The following ANKRD30A variants were observed in gnomAD, a reference collection of about 807,000 sequenced individuals.
The protein encoded by ANKRD30A is ankyrin repeat domain 30A.
ANKRD30A carries 170 observed loss-of-function variants against 166.3 expected under a neutral mutation model. That is an observed-to-expected ratio of 1.02 (90% CI 0.90 to 1.16). The LOEUF (loss-of-function observed/expected upper bound fraction) is 1.16. Among genes scored for constraint, ANKRD30A ranks in the 50% most tolerant of loss-of-function variants. The probability of loss-of-function intolerance (pLI) is 0.00; values close to 1 mark genes in which losing one functional copy is unlikely to be tolerated. For synonymous variants in ANKRD30A, 564 were observed against 508.9 expected (o/e 1.11, Z -1.46); for missense variants, 1,630 against 1,518.0 (o/e 1.07, Z -1.23).
chr10:37,197,918 G>A (rs1407153819), intron 29 of ANKRD30A, among the ~76,000 whole-genome samples: 1 of 151,980 alleles, frequency 6.6e-6, no homozygotes, highest in African/African-American at 2.4e-5. Context: ...AGAATCCTAA[G>A]AAAATCAGTA....
intron 24 of ANKRD30A, chr10:37,178,408 T>A (rs1486991519): frequency 1.7e-6 from 1 of 579,860 alleles, no homozygotes; most frequent in African/African-American, 2.0e-5. Flanking sequence ...CTGAAAACCT[T>A]GTTAACAATT....
chr10:37,133,003 GAAA>G (rs369817643), intron 4 of ANKRD30A, among the ~76,000 whole-genome samples: 1 of 138,710 alleles, frequency 7.2e-6, no homozygotes, highest in African/African-American at 2.7e-5. Flanking sequence ...CTGTCTCAAA[GAAA>G]AAAAAAAAGA....
chr10:37,251,550 C>A, the ANKRD30A span, among the ~76,000 whole-genome samples: 24 of 152,110 alleles, frequency 1.6e-4, no homozygotes, highest in Admixed American at 6.6e-5. Flanking sequence ...TGACCAGGTA[C>A]TAAAGTTGCT....
chr10:37,161,541 T>A lies in ANKRD30A; in HGVS notation c.1901-1108T>A, dbSNP rs540261071. ...AACAAGAAAGAATGTAGGCAGGTAA[T>A]TCTGGAGACTCTGAGAAGAACAGTT... is the stretch of plus-strand genomic sequence containing the variant. On this transcript the variant is annotated intron_variant, in intron 15 of 35. Coordinates refer to ENST00000361713, the MANE Select transcript of ANKRD30A (RefSeq NM_052997.3). Among the ~76,000 whole-genome samples the A allele has an allele frequency of 2.6e-5, 4 of 152,262 alleles. 1 individual carries two copies. In the East Asian group the frequency reaches 7.7e-4, roughly 29 times the overall value.
chr10:37,191,468 G>A (rs1323932063), intron 25 of ANKRD30A, among the ~76,000 whole-genome samples: 1 of 151,788 alleles, frequency 6.6e-6, no homozygotes, highest in Non-Finnish European at 1.5e-5. Flanking sequence ...TTATTATAAT[G>A]TGTTGCCTTA....
intron 9 of ANKRD30A, among the ~76,000 whole-genome samples, chr10:37,148,191 G>A (rs1837648519): frequency 6.6e-6 from 1 of 152,084 alleles, no homozygotes. Context: ...GGTACTTGGA[G>A]CTCATTCTGA....
intron 2 of ANKRD30A, 26 bp downstream of exon 2, chr10:37,130,033 A>C (rs1564461958): frequency 6.9e-7 from 1 of 1,447,398 alleles, no homozygotes; most frequent in Non-Finnish European, 9.2e-7. Context: ...ATTTTTCAGC[A>C]GGAGATGGAT....
chr10:37,149,348 C>T (rs370222883), intron 9 of ANKRD30A, among the ~76,000 whole-genome samples: 17 of 151,916 alleles, frequency 1.1e-4, no homozygotes, highest in African/African-American at 3.6e-4. Context: ...TCATTAAGTA[C>T]GTGGTGTAGC....
intron 1 of ANKRD30A, among the ~76,000 whole-genome samples, chr10:37,129,406 C>T (rs952621276): frequency 1.3e-5 from 2 of 152,116 alleles, no homozygotes; most frequent in African/African-American, 4.8e-5. Flanking sequence ...ACAATGTAGT[C>T]ATAATTGTAC....
chr10:37,248,547 C>T, the ANKRD30A span, among the ~76,000 whole-genome samples: 1 of 152,144 alleles, frequency 6.6e-6, no homozygotes, highest in Non-Finnish European at 1.5e-5. Flanking sequence ...TCAAGATCCG[C>T]TGTGGAAGAC....
intron 15 of ANKRD30A, among the ~76,000 whole-genome samples, chr10:37,161,690 T>A (rs1472305812): frequency 1.3e-5 from 2 of 152,088 alleles, no homozygotes; most frequent in Non-Finnish European, 1.5e-5. Context: ...ACTCATTAGG[T>A]TTCTCTGTTA....
chr10:37,254,831 C>T, the ANKRD30A span, among the ~76,000 whole-genome samples: 4 of 151,838 alleles, frequency 2.6e-5, no homozygotes, highest in Admixed American at 2.6e-4. Context: ...TACAGGTGCC[C>T]GCCACCACAC....
chr10:37,193,235 T>A lies in ANKRD30A; in HGVS notation c.2591T>A (p.Met864Lys), dbSNP rs761047771. 1.1e-5 allele frequency: 18 copies of A among 1,611,658 alleles called. No individual in the cohort carries two copies. Among genetic ancestry groups the A allele is most frequent in the Middle Eastern group, 1.7e-4 (1 of 6,040 alleles). The change falls in exon 27 of 36, where the codon ATG becomes AAG. Residue 864 changes from methionine (M) to lysine (K), a missense_variant. Around this residue, in one of 4 missense-constraint regions of ANKRD30A, gnomAD observed 712 missense variants for 629.3 expected, o/e 1.13. Coordinates refer to ENST00000361713, the MANE Select transcript of ANKRD30A (RefSeq NM_052997.3). ...VSIPTKALEL[M>K]DMQTFKAEPP... ...ATTCCAACTAAAGCCTTAGAATTGA[T>A]GGACATGCAAACTTTCAAAGCAGGT... is the stretch of plus-strand genomic sequence containing the variant.
At chr10:37,265,051 C>T in the ANKRD30A span, among the ~76,000 whole-genome samples, 2 of 152,230 alleles carry the variant, frequency 1.3e-5, no homozygotes, top group East Asian at 1.9e-4. Context: ...TAGTTATCCT[C>T]TGCTGAGTCA....
the ANKRD30A span, among the ~76,000 whole-genome samples, chr10:37,254,980 C>A: frequency 2.6e-5 from 4 of 152,110 alleles, no homozygotes; most frequent in South Asian, 6.2e-4. Context: ...CTGCGCCCGG[C>A]CCTCTCCTTT....
rs1342458137 is a variant in ANKRD30A at position 37,155,577 on chromosome 10, G to A, written c.1798+1915G>A. On this transcript the variant is annotated intron_variant, in intron 13 of 35. Coordinates refer to ENST00000361713, the MANE Select transcript of ANKRD30A (RefSeq NM_052997.3). Reference sequence around the variant, plus strand: ...ATGTGTTGCATTAAAGACACATGGTGTAGCATTCTACGTTCAGCTTTTGCA... The same window carrying A: ...ATGTGTTGCATTAAAGACACATGGTATAGCATTCTACGTTCAGCTTTTGCA... 3.9e-5 allele frequency among the ~76,000 whole-genome samples: 6 copies of A among 152,270 alleles called. No homozygotes were observed. In the South Asian group the frequency reaches 6.2e-4, roughly 16 times the overall value.
intron 4 of ANKRD30A, among the ~76,000 whole-genome samples, chr10:37,132,934 A>G (rs1479820102): frequency 6.6e-6 from 1 of 152,116 alleles, no homozygotes; most frequent in East Asian, 1.9e-4. Context: ...TTGGAGGCAG[A>G]GGTTGCAGTG....
the ANKRD30A span, among the ~76,000 whole-genome samples, chr10:37,253,649 C>CTTTTTT: frequency 1.3e-4 from 17 of 130,018 alleles, no homozygotes; most frequent in East Asian, 2.2e-4. Context: ...TTTTCTTTTT[C>CTTTTTT]TTTTTTTTTT....
chr10:37,232,695 A>ATAT (rs1564604874), downstream of ANKRD30A: 4 of 10,844 alleles, frequency 3.7e-4, no homozygotes, highest in African/African-American at 7.2e-4. Flanking sequence ...TATATATATA[A>ATAT]ATAGAGAGAG....
Sources: allele counts gnomAD v4.1 joint callset (sites outside exome capture counted in the v4.1 genomes callset), GRCh38; gene constraint gnomAD v4.1.1; regional missense constraint gnomAD v4.1.1; transcripts MANE v1.5; gene names NCBI Gene and HGNC (gene_info 2026-07-23, HGNC 2026-07-21).